Variants in AGBL4 observed in about 807,000 individuals in gnomAD.
The protein encoded by AGBL4 is cytosolic carboxypeptidase 6.
AGBL4 carries 58 observed loss-of-function variants against 66.4 expected under a neutral mutation model. The observed-to-expected ratio is 0.87, with a 90% CI of 0.71 to 1.09. AGBL4 has a LOEUF of 1.09. Ranked by LOEUF, AGBL4 falls within the 50% of genes least tolerant of loss-of-function variation. AGBL4 has a pLI of 0.00. For missense variants in AGBL4, 579 were observed against 631.0 expected (o/e 0.92, Z 0.88); for synonymous variants, 234 against 222.9 (o/e 1.05, Z -0.44).
intron 3 of AGBL4, among the ~76,000 whole-genome samples, chr1:49,514,021 GTC>G (rs1210608275): frequency 9.2e-5 from 14 of 152,050 alleles, no homozygotes; most frequent in Non-Finnish European, 1.5e-4. Context: ...CTCTCTGTTT[GTC>G]TGTTATTGGT....
At chr1:49,371,232 G>GATAT (rs1644335417) in intron 3 of AGBL4, among the ~76,000 whole-genome samples, 1 of 127,436 alleles carries the variant, frequency 7.8e-6, no homozygotes, top group Non-Finnish European at 1.7e-5. Flanking sequence ...TAGATATATA[G>GATAT]ATAGATAGAT....
intron 3 of AGBL4, among the ~76,000 whole-genome samples, chr1:49,433,238 T>C (rs1033697330): frequency 2.0e-5 from 3 of 152,188 alleles, no homozygotes; most frequent in African/African-American, 7.2e-5. Flanking sequence ...GAGAGGGTCA[T>C]CATGGGAATC....
At chr1:49,448,292 A>ACT (rs907910882) in intron 3 of AGBL4, among the ~76,000 whole-genome samples, 2 of 149,716 alleles carry the variant, frequency 1.3e-5, no homozygotes, top group African/African-American at 4.9e-5. Context: ...TGCCCTAAAA[A>ACT]CTCTCTCTCT....
intron 3 of AGBL4, among the ~76,000 whole-genome samples, chr1:49,605,796 A>G (rs573665307): frequency 6.6e-6 from 1 of 152,270 alleles, no homozygotes; most frequent in Non-Finnish European, 1.5e-5. Context: ...CTAGACAGCT[A>G]TTCCAAAAAT....
intron 4 of AGBL4, among the ~76,000 whole-genome samples, chr1:49,185,314 C>T (rs1247214350): frequency 1.3e-5 from 2 of 152,172 alleles, no homozygotes; most frequent in Non-Finnish European, 2.9e-5. Context: ...ACGTTATAAA[C>T]AGGCCAGCTA....
intron 4 of AGBL4, among the ~76,000 whole-genome samples, chr1:49,244,472 G>A (rs1651476471): frequency 6.6e-6 from 1 of 151,710 alleles, no homozygotes; most frequent in South Asian, 2.1e-4. Context: ...TTCATAAACA[G>A]TGTTTATTAT....
chr1:49,152,538 C>T (rs1052941327), intron 4 of AGBL4, among the ~76,000 whole-genome samples: 1 of 152,172 alleles, frequency 6.6e-6, no homozygotes, highest in African/African-American at 2.4e-5. Context: ...ATCTGAAAGG[C>T]TGCTGAGGTA....
chr1:49,585,340 C>T (rs917780100), intron 3 of AGBL4, among the ~76,000 whole-genome samples: 2 of 152,060 alleles, frequency 1.3e-5, no homozygotes, highest in Non-Finnish European at 2.9e-5. Context: ...AGGAAATCTG[C>T]CCTAGAGAGC....
intron 3 of AGBL4, among the ~76,000 whole-genome samples, chr1:49,550,098 C>T (rs1652833570): frequency 6.6e-6 from 1 of 152,190 alleles, no homozygotes; most frequent in African/African-American, 2.4e-5. Flanking sequence ...ATAAGAATAG[C>T]TACCCCTGCT....
chr1:49,257,905 G>A (rs1324558741), intron 3 of AGBL4, among the ~76,000 whole-genome samples: 5 of 152,114 alleles, frequency 3.3e-5, no homozygotes, highest in Non-Finnish European at 4.4e-5. Flanking sequence ...TAACTGGGAG[G>A]CACCCCCCAG....
chr1:49,792,419 A>G (rs1356629914), intron 2 of AGBL4, among the ~76,000 whole-genome samples: 1 of 152,062 alleles, frequency 6.6e-6, no homozygotes, highest in Admixed American at 6.6e-5. Context: ...ATTATATTAT[A>G]AACCAGAGCA....
At chr1:49,148,468 C>A (rs2148113893) in intron 4 of AGBL4, among the ~76,000 whole-genome samples, 1 of 152,282 alleles carries the variant, frequency 6.6e-6, no homozygotes, top group South Asian at 2.1e-4. Flanking sequence ...TGAAACTTAT[C>A]ACTGAGCCAG....
chr1:48,768,565 CA>C (rs1331111581), intron 6 of AGBL4, among the ~76,000 whole-genome samples: 1 of 152,122 alleles, frequency 6.6e-6, no homozygotes, highest in Non-Finnish European at 1.5e-5. Flanking sequence ...AAACCCAATG[CA>C]AGTCTGTATT....
At position 49,101,597 on chromosome 1, in the gene AGBL4, G is replaced by A. The variant is rs933856937; in HGVS notation, c.378-55797C>T. Among the ~76,000 whole-genome samples, 6 of 152,218 alleles carry A rather than the reference G, an allele frequency of 3.9e-5. No homozygotes were observed. The South Asian group carries it at 1.0e-3, about 26-fold the overall frequency. ...AACAGCATGAATTCTGGAGTCAGAG[G>A]GATCTGTGTTTAAATCCTTACTCTT... On this transcript the variant is annotated intron_variant, in intron 4 of 13. Coordinates refer to ENST00000371839, the MANE Select transcript of AGBL4 (RefSeq NM_032785.4).
At chr1:49,622,352 G>A (rs192507019) in intron 3 of AGBL4, among the ~76,000 whole-genome samples, 69 of 152,160 alleles carry the variant, frequency 4.5e-4, no homozygotes, top group Admixed American at 4.3e-3. Flanking sequence ...AATGTTGGCC[G>A]GGCGCGGTGG....
At position 49,495,797 on chromosome 1, in the gene AGBL4, T is replaced by G. The variant is rs1647502572; in HGVS notation, c.282+201516A>C. ...TTAAGGATCAAAAATGTTCACATTT[T>G]GGGGAGTAAGTTGGAATGCCCACAA... On this transcript the variant is annotated intron_variant, in intron 3 of 13. Transcript: ENST00000371839. Among the ~76,000 whole-genome samples, 3 of 152,036 alleles carry G rather than the reference T, an allele frequency of 2.0e-5. No homozygotes were observed. In the South Asian group the frequency reaches 6.2e-4, roughly 32 times the overall value.
intron 12 of AGBL4, among the ~76,000 whole-genome samples, chr1:48,537,524 G>A (rs1643993289): frequency 6.6e-6 from 1 of 152,136 alleles, no homozygotes; most frequent in Non-Finnish European, 1.5e-5. Flanking sequence ...CTGCATGGCA[G>A]GGTGAGGGCC....
At chr1:49,673,946 G>T (rs1293013242) in intron 3 of AGBL4, among the ~76,000 whole-genome samples, 1 of 152,042 alleles carries the variant, frequency 6.6e-6, no homozygotes, top group Non-Finnish European at 1.5e-5. Context: ...CTTGAAGCTG[G>T]TGCTTGAATG....
rs563795891 is a variant in AGBL4, at chr1:48,651,603, G to A, written c.839+1734C>T. Reference sequence around the variant, plus strand: ...GCCTGCAACAAGCCATAAAACTTGCGAATGCTAATGAACCATCACTTCAGC... The same window carrying A: ...GCCTGCAACAAGCCATAAAACTTGCAAATGCTAATGAACCATCACTTCAGC... On this transcript the variant is annotated intron_variant, in intron 8 of 13. Coordinates refer to ENST00000371839, the MANE Select transcript of AGBL4 (RefSeq NM_032785.4). 8.5e-5 allele frequency among the ~76,000 whole-genome samples: 13 copies of A among 152,316 alleles called. No homozygotes were observed. In the South Asian group the frequency reaches 1.0e-3, roughly 12 times the overall value.
Sources: gnomAD v4.1 joint callset for allele counts (sites outside exome capture counted in the v4.1 genomes callset) on GRCh38, gnomAD v4.1.1 for gene constraint, MANE v1.5 for transcripts, NCBI Gene and HGNC (gene_info 2026-07-23, HGNC 2026-07-21) for gene names.